Variants in NEMF observed in about 807,000 individuals in gnomAD.
NEMF encodes nuclear export mediator factor, also known as ribosome quality control complex subunit NEMF.
Under a neutral mutation model 162.2 loss-of-function variants are expected in NEMF, and 89 were observed. That is an observed-to-expected ratio of 0.55 (90% confidence interval 0.46 to 0.65). The LOEUF (loss-of-function observed/expected upper bound fraction) is 0.65, where lower values mean the gene tolerates loss of function less well. Ranked by LOEUF, NEMF falls within the 30% of genes least tolerant of loss-of-function variation. The pLI is 0.00. For synonymous variants in NEMF, 421 were observed against 404.5 expected (o/e 1.04, Z -0.49); for missense variants, 1,133 against 1,261.9 (o/e 0.90, Z 1.55).
Position 49,800,472 on chromosome 14 carries a change from T to C in NEMF, c.2320A>G (p.Thr774Ala). The change falls in exon 23 of 33, where the codon ACA becomes GCA. Residue 774 changes from threonine (T) to alanine (A), a missense_variant. Thr to Ala is a moderately conservative substitution (Grantham distance 58). Around this residue, in one of 3 missense-constraint regions of NEMF, gnomAD observed 532 missense variants for 578.6 expected, o/e 0.92. Coordinates refer to ENST00000298310, the MANE Select transcript of NEMF (RefSeq NM_004713.6). ...VGEMKDEGEE[T>A]LNYPDTTIDL... is the part of the protein sequence containing the mutation. ...ATGGTAGTATCAGGATAATTTAATG[T>C]CTCTTCCCCTTCATCCTTCATTTCA... 3 of 1,613,822 alleles carry C rather than the reference T, an allele frequency of 1.9e-6. No homozygotes were observed. Among genetic ancestry groups the C allele is most frequent in the Non-Finnish European group, 2.5e-6 (3 of 1,179,778 alleles).
intron 5 of NEMF, among the ~76,000 whole-genome samples, chr14:49,838,816 C>A (rs1218938624): frequency 6.6e-6 from 1 of 152,058 alleles, no homozygotes; most frequent in Non-Finnish European, 1.5e-5. Context: ...AATCTCCTGA[C>A]CTTGTGATCC....
At chr14:49,816,920 T>C (rs1465417198) in intron 16 of NEMF, among the ~76,000 whole-genome samples, 5 of 151,716 alleles carry the variant, frequency 3.3e-5, no homozygotes, top group African/African-American at 9.7e-5. Flanking sequence ...AAGTAGTCAA[T>C]CAAAAGAAGG....
intron 18 of NEMF, among the ~76,000 whole-genome samples, chr14:49,812,102 C>T (rs2139896440): frequency 6.6e-6 from 1 of 152,212 alleles, no homozygotes; most frequent in Admixed American, 6.5e-5. Flanking sequence ...TCTGTACTTA[C>T]AGGTTTATTT....
rs536380478 is a variant in NEMF, at chr14:49,820,079, G to C, written c.1578-5222C>G. ...CGATTCTTCTGCCTCAGCCACCCGAGTAGCTTGGTCTACAGGCACAAGCCA... is the reference window on the plus strand; with the variant it reads ...CGATTCTTCTGCCTCAGCCACCCGACTAGCTTGGTCTACAGGCACAAGCCA... On this transcript the variant is annotated intron_variant, in intron 16 of 32. Transcript: ENST00000298310. 2.7e-5 allele frequency: 5 copies of C among 182,618 alleles called. No homozygotes were observed. In the East Asian group the frequency reaches 8.9e-4, roughly 32 times the overall value. The allele number at this position is 182,618 out of a possible 1,614,324, so 11.3% of individuals were successfully genotyped here.
intron 28 of NEMF, among the ~76,000 whole-genome samples, chr14:49,788,614 G>A (rs12885947): frequency 0.96 from 143,822 of 149,116 alleles, 69,581 homozygotes; most frequent in East Asian, 1. Context: ...CTGGAGTGCA[G>A]TGGCACAATC....
chr14:49,845,815 G>GC (rs911786111), intron 4 of NEMF, among the ~76,000 whole-genome samples: 3 of 152,126 alleles, frequency 2.0e-5, no homozygotes, highest in Non-Finnish European at 2.9e-5. Flanking sequence ...TACATACAGC[G>GC]CATCAGTGCA....
intron 29 of NEMF, 116 bp from the exon 30 acceptor site, chr14:49,785,436 A>T (rs1185415456): frequency 2.8e-6 from 2 of 703,004 alleles, no homozygotes; most frequent in Non-Finnish European, 5.1e-6. Context: ...TATACATACC[A>T]TCTAAGCTGG....
chr14:49,827,500 C>T (rs778876521), intron 15 of NEMF, among the ~76,000 whole-genome samples: 4 of 151,748 alleles, frequency 2.6e-5, no homozygotes, highest in African/African-American at 4.8e-5. Context: ...ACTTTTGATT[C>T]AAAAGGATCA....
intron 3 of NEMF, among the ~76,000 whole-genome samples, chr14:49,850,207 G>A (rs545016081): frequency 6.6e-6 from 1 of 152,146 alleles, no homozygotes; most frequent in Non-Finnish European, 1.5e-5. Context: ...GGTTCAAGTG[G>A]TTCTCCTGCC....
intron 26 of NEMF, 115 bp from the exon 27 acceptor site, chr14:49,789,688 G>C: frequency 7.2e-7 from 1 of 1,381,276 alleles, no homozygotes; most frequent in South Asian, 1.5e-5. Context: ...TACTGAATAA[G>C]GCACCATTAT....
At chr14:49,824,963 G>A (rs1892266458) in intron 16 of NEMF, among the ~76,000 whole-genome samples, 1 of 152,210 alleles carries the variant, frequency 6.6e-6, no homozygotes, top group African/African-American at 2.4e-5. Flanking sequence ...AGCTCCAGGA[G>A]AGACTTCTGA....
At position 49,783,012 on chromosome 14, in the gene NEMF, A is replaced by G. The variant is rs1396718031; in HGVS notation, c.*1624T>C. 10 of 1,543,824 alleles carry G rather than the reference A, an allele frequency of 6.5e-6. No homozygotes were observed. The highest frequency in any genetic ancestry group is 1.4e-5 in the African/African-American group (1 of 72,732). On this transcript the variant is annotated 3_prime_UTR_variant, in exon 33 of 33. Transcript: ENST00000298310. Reference sequence around the variant, plus strand: ...TGGACAGCAATCCTGTAAACATCACAGAGTGGCATCATTTGTATAATTATA... The same window carrying G: ...TGGACAGCAATCCTGTAAACATCACGGAGTGGCATCATTTGTATAATTATA...
intron 5 of NEMF, among the ~76,000 whole-genome samples, chr14:49,839,226 C>A (rs186149236): frequency 1.6e-3 from 237 of 152,062 alleles, no homozygotes; most frequent in African/African-American, 4.7e-3. Context: ...TACAGGCATG[C>A]ACCACCATGC....
At chr14:49,785,628 T>C in intron 29 of NEMF, 1 of 292,208 alleles carries the variant, frequency 3.4e-6, no homozygotes, top group Non-Finnish European at 6.6e-6. Context: ...ACGCCTATAA[T>C]CCTAGGACTC....
intron 10 of NEMF, 63 bp from the exon 11 acceptor site, chr14:49,831,424 C>T (rs1435436269): frequency 1.3e-5 from 12 of 952,738 alleles, no homozygotes; most frequent in Non-Finnish European, 2.0e-5. Flanking sequence ...AACTTGCATA[C>T]ACAGAATTTT....
chr14:49,782,669 G>A lies in NEMF; in HGVS notation c.*1967C>T, dbSNP rs540104913. On this transcript the variant is annotated 3_prime_UTR_variant, in exon 33 of 33. Transcript: ENST00000298310. ...AAGACTTAGCACTCTCGAAAAACTA[G>A]GTTTATGGATTATTTAAGGGCAATA... The A allele has an allele frequency of 8.0e-6, 11 of 1,382,880 alleles. No homozygotes were observed. The African/African-American group carries it at 1.5e-4, about 18-fold the overall frequency. The allele number at this position is 1,382,880 out of a possible 1,614,324, so 85.7% of individuals were successfully genotyped here.
At chr14:49,804,825 GT>G (rs1891116367) in intron 19 of NEMF, among the ~76,000 whole-genome samples, 1 of 152,024 alleles carries the variant, frequency 6.6e-6, no homozygotes, top group African/African-American at 2.4e-5. Context: ...GAGGCCAGGA[GT>G]TTGAGACTGG....
intron 16 of NEMF, chr14:49,820,497 G>A (rs111641925): frequency 6.6e-4 from 300 of 456,552 alleles, no homozygotes; most frequent in African/African-American, 4.8e-3. Context: ...GGCTGGGCGC[G>A]GTGGCTCATG....
intron 16 of NEMF, among the ~76,000 whole-genome samples, chr14:49,824,821 A>G (rs1348751114): frequency 6.6e-6 from 1 of 152,182 alleles, no homozygotes; most frequent in African/African-American, 2.4e-5. Context: ...TCTGGAACAC[A>G]CACTCTTTCA....
Sources: gnomAD v4.1 joint callset for allele counts (sites outside exome capture counted in the v4.1 genomes callset) on GRCh38, gnomAD v4.1.1 for gene constraint, gnomAD v4.1.1 regional missense constraint, MANE v1.5 for transcripts, NCBI Gene and HGNC (gene_info 2026-07-23, HGNC 2026-07-21) for gene names.